ARHGAP26: variants seen among roughly 807,000 people sequenced by gnomAD.
ARHGAP26 encodes the protein Rho GTPase activating protein 26.
Under a neutral mutation model 104.8 loss-of-function variants are expected in ARHGAP26, and 38 were observed. The observed-to-expected ratio is 0.36, with a 90% confidence interval of 0.28 to 0.48. The LOEUF (loss-of-function observed/expected upper bound fraction) is 0.48, where lower values mean the gene tolerates loss of function less well. Ranked by LOEUF, ARHGAP26 falls within the 20% of genes least tolerant of loss-of-function variation. ARHGAP26 has a pLI of 0.99. For synonymous variants in ARHGAP26, 341 were observed against 340.0 expected, an observed-to-expected ratio of 1.00 and a Z score of -0.03; for missense variants, 704 against 947.9, an observed-to-expected ratio of 0.74 and a Z score of 3.38.
intron 20 of ARHGAP26, chr5:143,169,502 CT>C (rs1452335076): frequency 6.6e-6 from 1 of 152,220 alleles, no homozygotes; most frequent in East Asian, 1.9e-4. Flanking sequence ...GACTTACCTT[CT>C]TAAAAAGCCC....
intron 20 of ARHGAP26, among the ~76,000 whole-genome samples, chr5:143,152,133 C>G (rs1244255436): frequency 3.9e-5 from 6 of 152,128 alleles, no homozygotes; most frequent in Admixed American, 2.0e-4. Context: ...TGAGACTATT[C>G]TGTATGATGC....
At chr5:142,986,478 A>G (rs1208740746) in intron 11 of ARHGAP26, among the ~76,000 whole-genome samples, 1 of 152,144 alleles carries the variant, frequency 6.6e-6, no homozygotes, top group Non-Finnish European at 1.5e-5. Context: ...CTCTTATGAT[A>G]GTTCTCTTTT....
chr5:143,156,109 T>C (rs1275632457), intron 20 of ARHGAP26, among the ~76,000 whole-genome samples: 3 of 152,256 alleles, frequency 2.0e-5, no homozygotes, highest in African/African-American at 7.2e-5. Flanking sequence ...TTATTTTTCT[T>C]ATTTAGGATT....
intron 11 of ARHGAP26, among the ~76,000 whole-genome samples, chr5:143,011,203 C>G (rs1012543156): frequency 1.3e-5 from 2 of 152,100 alleles, no homozygotes; most frequent in East Asian, 3.9e-4. Context: ...CACTAGCCCC[C>G]ACGTCTTCCC....
chr5:142,801,477 C>T (rs538150526), intron 1 of ARHGAP26, among the ~76,000 whole-genome samples: 1 of 152,030 alleles, frequency 6.6e-6, no homozygotes, highest in Non-Finnish European at 1.5e-5. Flanking sequence ...GGGAAAGACA[C>T]TGGATGCCCC....
chr5:142,950,585 T>C (rs1562139781), intron 11 of ARHGAP26, among the ~76,000 whole-genome samples: 1 of 152,214 alleles, frequency 6.6e-6, no homozygotes, highest in Non-Finnish European at 1.5e-5. Flanking sequence ...GGTTCCACTA[T>C]TGTTATCAGA....
At chr5:142,842,680 A>G (rs1771052030) in intron 1 of ARHGAP26, among the ~76,000 whole-genome samples, 2 of 152,296 alleles carry the variant, frequency 1.3e-5, no homozygotes, top group Non-Finnish European at 2.9e-5. Flanking sequence ...TATCAGCCCT[A>G]TGTCTTTGGG....
chr5:143,202,114 T>C (rs1807837523), intron 20 of ARHGAP26: 1 of 152,226 alleles, frequency 6.6e-6, no homozygotes, highest in Admixed American at 6.5e-5. Flanking sequence ...TAGGTACATA[T>C]ATATTTAGGA....
At chr5:143,166,473 C>T (rs1801960286) in intron 20 of ARHGAP26, among the ~76,000 whole-genome samples, 2 of 152,134 alleles carry the variant, frequency 1.3e-5, no homozygotes, top group South Asian at 4.1e-4. Flanking sequence ...GGTGTGTTGG[C>T]CTCTCTACAT....
chr5:143,169,920 G>C (rs1051065059), intron 20 of ARHGAP26: 1 of 152,044 alleles, frequency 6.6e-6, no homozygotes, highest in Non-Finnish European at 1.5e-5. Context: ...CAGTCCAAAG[G>C]CTTCTTGCAT....
chr5:142,926,456 A>AT (rs1763908125), intron 10 of ARHGAP26, among the ~76,000 whole-genome samples: 1 of 152,162 alleles, frequency 6.6e-6, no homozygotes, highest in Non-Finnish European at 1.5e-5. Flanking sequence ...TCTACAGAGG[A>AT]TTTTTAAGTC....
intron 5 of ARHGAP26, among the ~76,000 whole-genome samples, chr5:142,892,423 C>A (rs2152426797): frequency 6.6e-6 from 1 of 151,994 alleles, no homozygotes; most frequent in East Asian, 1.9e-4. Flanking sequence ...TCCTTAATGG[C>A]AATGGATTAT....
At chr5:143,005,701 T>C (rs1777852214) in intron 11 of ARHGAP26, among the ~76,000 whole-genome samples, 1 of 152,226 alleles carries the variant, frequency 6.6e-6, no homozygotes, top group South Asian at 2.1e-4. Context: ...AGGCAATGCT[T>C]GAACTAATGG....
intron 1 of ARHGAP26, 184 bp downstream of exon 1, chr5:142,771,099 A>C: frequency 7.5e-7 from 1 of 1,332,204 alleles, no homozygotes; most frequent in Non-Finnish European, 9.7e-7. Context: ...TCAGATGAAG[A>C]GAGAGACCCG....
chr5:142,907,978 C>G (rs901808653), intron 9 of ARHGAP26, among the ~76,000 whole-genome samples, 174 bp downstream of exon 9: 3 of 152,024 alleles, frequency 2.0e-5, no homozygotes, highest in Non-Finnish European at 4.4e-5. Flanking sequence ...GCTGAAGAAT[C>G]GCTAAAATAA....
chr5:143,053,354 G>GA (rs909338873), intron 14 of ARHGAP26, among the ~76,000 whole-genome samples: 7 of 150,946 alleles, frequency 4.6e-5, no homozygotes, highest in Admixed American at 6.6e-5. Context: ...GTGCTATGCA[G>GA]AAAAAAAAAG....
intron 1 of ARHGAP26, among the ~76,000 whole-genome samples, chr5:142,803,620 A>G (rs1762450075): frequency 6.6e-6 from 1 of 152,224 alleles, no homozygotes; most frequent in African/African-American, 2.4e-5. Context: ...ATTGCCGAAC[A>G]TGCGACAAGG....
chr5:143,102,965 ATGGTGGAGTC>A (rs1562429714), intron 17 of ARHGAP26, among the ~76,000 whole-genome samples: 1 of 152,144 alleles, frequency 6.6e-6, no homozygotes, highest in African/African-American at 2.4e-5. Context: ...CCCAAGTGCC[ATGGTGGAGTC>A]TGGTGGAGTC....
intron 8 of ARHGAP26, among the ~76,000 whole-genome samples, chr5:142,906,694 C>T (rs1264202776): frequency 6.6e-6 from 1 of 152,038 alleles, no homozygotes; most frequent in Non-Finnish European, 1.5e-5. Flanking sequence ...GGAATTTTTT[C>T]CCCAGTCTGT....
Sources: gnomAD v4.1 joint callset for allele counts (sites outside exome capture counted in the v4.1 genomes callset) on GRCh38, gnomAD v4.1.1 for gene constraint, MANE v1.5 for transcripts, NCBI Gene and HGNC (gene_info 2026-07-23, HGNC 2026-07-21) for gene names.